The following IL18R1 variants were observed in gnomAD, a reference collection of about 807,000 sequenced individuals.
IL18R1 encodes the protein interleukin-18 receptor 1.
In IL18R1, 40 loss-of-function variants were observed where a neutral mutation model predicts 48.5. That is an observed-to-expected ratio of 0.82 (90% CI 0.64 to 1.07). IL18R1 has a LOEUF of 1.07. Ranked by LOEUF, IL18R1 falls within the 50% of genes least tolerant of loss-of-function variation. IL18R1 has a pLI of 0.00. For synonymous variants in IL18R1, 232 were observed against 225.9 expected, an observed-to-expected ratio of 1.03 and a Z score of -0.24; for missense variants, 596 against 633.7, an observed-to-expected ratio of 0.94 and a Z score of 0.64.
At chr2:102,392,441 C>T (rs1006413826) in intron 9 of IL18R1, among the ~76,000 whole-genome samples, 6 of 152,164 alleles carry the variant, frequency 3.9e-5, no homozygotes, top group East Asian at 3.9e-4. Context: ...ACATGATTTG[C>T]GGTAATTTTT....
chr2:102,384,304 C>T (rs898051369), intron 6 of IL18R1, among the ~76,000 whole-genome samples: 2 of 152,188 alleles, frequency 1.3e-5, no homozygotes, highest in Non-Finnish European at 2.9e-5. Flanking sequence ...GCTGTCCGAG[C>T]GCTTAGCAGT....
rs2105144285 is a variant in IL18R1 at position 102,398,760 on chromosome 2, A to G, written c.*1874A>G. ...TAAAATGCATAAAACACGTTGAAAT[A>G]CATTAATGAACCATTAGTCTAATGC... On this transcript the variant is annotated 3_prime_UTR_variant, in exon 11 of 11. Coordinates refer to ENST00000233957, the MANE Select transcript of IL18R1 (RefSeq NM_003855.5). The G allele has an allele frequency of 6.6e-6, 1 of 152,528 alleles. No individual in the cohort carries two copies. Among genetic ancestry groups the G allele is most frequent in the South Asian group, 2.1e-4 (1 of 4,832 alleles). The allele number at this position is 152,528 out of a possible 1,614,324, so 9.4% of individuals were successfully genotyped here. A position where few individuals can be genotyped will look rare whatever the true frequency, so the allele number is the denominator to read the frequency against.
At chr2:102,358,364 A>C (rs997051408) in intron 1 of IL18R1, among the ~76,000 whole-genome samples, 2 of 152,144 alleles carry the variant, frequency 1.3e-5, no homozygotes, top group Non-Finnish European at 2.9e-5. Flanking sequence ...TGGGAGACAG[A>C]GTGGTCAGCT....
At position 102,398,299 on chromosome 2, in the gene IL18R1, A is replaced by C. The variant is rs1680923210; in HGVS notation, c.*1413A>C. 6.6e-6 allele frequency: 1 copy of C among 152,378 alleles called. No homozygotes were observed. Among genetic ancestry groups the C allele is most frequent in the Admixed American group, 6.5e-5 (1 of 15,282 alleles). The allele number at this position is 152,378 out of a possible 1,614,324, so 9.4% of individuals were successfully genotyped here. ...ATCTCAAAAATAATAGCTATTCAAG[A>C]AAATCACCAAGTGACTGTGAAACCG... On this transcript the variant is annotated 3_prime_UTR_variant, in exon 11 of 11. Transcript: ENST00000233957.
chr2:102,363,285 G>A (rs1382472525), intron 2 of IL18R1, among the ~76,000 whole-genome samples: 1 of 152,002 alleles, frequency 6.6e-6, no homozygotes. Flanking sequence ...AGGCTTTGGG[G>A]GAGAAAGTGG....
chr2:102,360,566 C>T (rs373201644), intron 1 of IL18R1, among the ~76,000 whole-genome samples: 7 of 152,150 alleles, frequency 4.6e-5, no homozygotes, highest in Admixed American at 4.6e-4. Flanking sequence ...CCCGGCCAAA[C>T]ATCTTAATTA....
chr2:102,367,066 G>A lies in IL18R1; in HGVS notation c.59-759G>A, dbSNP rs185562160. Among the ~76,000 whole-genome samples the A allele has an allele frequency of 8.8e-4, 134 of 152,286 alleles. 1 individual carries two copies. The highest frequency in any genetic ancestry group is 3.1e-3 in the African/African-American group (128 of 41,554). ...TCACTGGAGGGTAGATTATGAGAAA[G>A]ACCCATTAATGCTGAACTTGAAGTA... On this transcript the variant is annotated intron_variant, in intron 2 of 10. Transcript: ENST00000233957.
At chr2:102,394,405 TAA>T (rs1372460124) in intron 9 of IL18R1, 62 bp from the exon 10 acceptor site, 18 of 1,330,004 alleles carry the variant, frequency 1.4e-5, no homozygotes, top group Admixed American at 4.1e-5. Context: ...GACATTCACT[TAA>T]GTTTGTACTT....
At chr2:102,382,234 T>G (rs879366421) in intron 6 of IL18R1, among the ~76,000 whole-genome samples, 15 of 152,072 alleles carry the variant, frequency 9.9e-5, no homozygotes, top group Non-Finnish European at 1.6e-4. Flanking sequence ...ATCACACCAC[T>G]GCACTCCAGC....
chr2:102,366,867 A>G (rs1305973061), intron 2 of IL18R1, among the ~76,000 whole-genome samples: 2 of 152,204 alleles, frequency 1.3e-5, no homozygotes, highest in Non-Finnish European at 1.5e-5. Context: ...GAATACTTCT[A>G]TCACATCACT....
At chr2:102,377,316 T>G (rs1209417875) in intron 5 of IL18R1, among the ~76,000 whole-genome samples, 1 of 152,172 alleles carries the variant, frequency 6.6e-6, no homozygotes, top group Non-Finnish European at 1.5e-5. Context: ...ATTTTTTTAT[T>G]TATTTTATAT....
At chr2:102,369,512 G>A (rs1679121694) in intron 3 of IL18R1, among the ~76,000 whole-genome samples, 1 of 152,160 alleles carries the variant, frequency 6.6e-6, no homozygotes, top group South Asian at 2.1e-4. Flanking sequence ...CACTATGAGA[G>A]TAAAGTGTTG....
At chr2:102,380,398 A>G (rs1419361605) in intron 5 of IL18R1, among the ~76,000 whole-genome samples, 2 of 152,178 alleles carry the variant, frequency 1.3e-5, no homozygotes, top group Non-Finnish European at 2.9e-5. Context: ...AGTCAGTAGC[A>G]GTTTTCCCCC....
chr2:102,383,785 G>A (rs1166213479), intron 6 of IL18R1, among the ~76,000 whole-genome samples: 3 of 151,938 alleles, frequency 2.0e-5, no homozygotes, highest in Admixed American at 6.6e-5. Context: ...TATCATATAT[G>A]CATGATATAC....
intron 8 of IL18R1, 96 bp from the exon 9 acceptor site, chr2:102,389,960 T>G: frequency 8.5e-7 from 1 of 1,170,784 alleles, no homozygotes; most frequent in Non-Finnish European, 1.2e-6. Context: ...ACTACTGCAT[T>G]AGTGTTAGCA....
chr2:102,386,302 G>T (rs544320504), intron 7 of IL18R1, among the ~76,000 whole-genome samples: 1 of 152,304 alleles, frequency 6.6e-6, no homozygotes, highest in African/African-American at 2.4e-5. Context: ...GAAAAAGAAC[G>T]TGCTGCCAGT....
chr2:102,362,567 C>T, intron 1 of IL18R1, 66 bp from the exon 2 acceptor site: 1 of 1,043,556 alleles, frequency 9.6e-7, no homozygotes, highest in Non-Finnish European at 1.4e-6. Context: ...GATTTTTAAA[C>T]CTTCATAAGA....
In IL18R1 at chr2:102,357,032, C is replaced by G. The variant is rs533770669; in HGVS notation, c.-29+632C>G. Among the ~76,000 whole-genome samples, 6 of 152,276 alleles carry G rather than the reference C, an allele frequency of 3.9e-5. No homozygotes were observed. In the South Asian group the frequency reaches 1.2e-3, roughly 32 times the overall value. ...TCATTCTCAAGACCCTTTGCAAATA[C>G]TGATTTTGTGTCATACACAGTGCTG... is the stretch of plus-strand genomic sequence containing the variant. On this transcript the variant is annotated intron_variant, in intron 1 of 10. Transcript: ENST00000233957.
At chr2:102,372,964 A>C (rs1679358120) in intron 4 of IL18R1, among the ~76,000 whole-genome samples, 1 of 152,186 alleles carries the variant, frequency 6.6e-6, no homozygotes, top group Non-Finnish European at 1.5e-5. Flanking sequence ...TCACACTATC[A>C]AACTTGTCTC....
Sources: gnomAD v4.1 joint callset for allele counts (sites outside exome capture counted in the v4.1 genomes callset) on GRCh38, gnomAD v4.1.1 for gene constraint, MANE v1.5 for transcripts, NCBI Gene and HGNC (gene_info 2026-07-23, HGNC 2026-07-21) for gene names.